GPR158: variants seen among roughly 807,000 people sequenced by gnomAD.
The protein encoded by GPR158 is metabotropic glycine receptor.
GPR158 carries 30 observed loss-of-function variants against 78.2 expected under a neutral mutation model. The observed-to-expected ratio is 0.38, with a 90% CI of 0.29 to 0.52. The LOEUF (loss-of-function observed/expected upper bound fraction) is 0.52, where lower values mean the gene tolerates loss of function less well. Ranked by LOEUF, GPR158 falls within the 20% of genes least tolerant of loss-of-function variation. GPR158 has a pLI of 0.83. For synonymous variants in GPR158, 581 were observed against 591.1 expected (o/e 0.98, Z 0.25); for missense variants, 1,463 against 1,523.5 (o/e 0.96, Z 0.66).
intron 1 of GPR158, among the ~76,000 whole-genome samples, chr10:25,184,911 G>C (rs1294749385): frequency 6.6e-6 from 1 of 152,134 alleles, no homozygotes; most frequent in Non-Finnish European, 1.5e-5. Flanking sequence ...TGATGCCTCA[G>C]ACCGCTATGC....
At chr10:25,513,450 A>G (rs949579704) in intron 5 of GPR158, among the ~76,000 whole-genome samples, 1 of 149,284 alleles carries the variant, frequency 6.7e-6, no homozygotes, top group Non-Finnish European at 1.5e-5. Flanking sequence ...CAGTCTGTCA[A>G]TTTTATTATC....
intron 7 of GPR158, among the ~76,000 whole-genome samples, chr10:25,580,923 A>ATTTTT (rs71677287): frequency 7.8e-5 from 8 of 102,960 alleles, no homozygotes; most frequent in African/African-American, 2.5e-4. Flanking sequence ...ATTTTATTTT[A>ATTTTT]TTTTATTTTT....
chr10:25,499,031 C>CA (rs1835920097), intron 5 of GPR158, among the ~76,000 whole-genome samples: 1 of 152,058 alleles, frequency 6.6e-6, no homozygotes, highest in Non-Finnish European at 1.5e-5. Flanking sequence ...ATTGAATTCT[C>CA]AGGAATCTGG....
intron 2 of GPR158, among the ~76,000 whole-genome samples, chr10:25,281,079 G>A (rs942012789): frequency 2.7e-5 from 4 of 149,472 alleles, no homozygotes; most frequent in African/African-American, 7.4e-5. Context: ...AGGTTGCAGT[G>A]AGCCAAGATT....
chr10:25,460,349 C>T (rs1588874425), intron 4 of GPR158, among the ~76,000 whole-genome samples: 1 of 152,062 alleles, frequency 6.6e-6, no homozygotes, highest in East Asian at 1.9e-4. Flanking sequence ...CTACAGGCAC[C>T]TGCTACTATG....
In GPR158 at chr10:25,490,217, T is replaced by C. The variant is rs557626250; in HGVS notation, c.1404+23498T>C. 2.0e-5 allele frequency among the ~76,000 whole-genome samples: 3 copies of C among 152,188 alleles called. 1 individual carries two copies. The South Asian group carries it at 6.2e-4, about 32-fold the overall frequency. On this transcript the variant is annotated intron_variant, in intron 5 of 10. Coordinates refer to ENST00000376351, the MANE Select transcript of GPR158 (RefSeq NM_020752.3). ...AAACTGGAACTCTTCCTTGTGTTTG[T>C]ATGCAGAGACACTTTGGAATGCAAA...
intron 1 of GPR158, among the ~76,000 whole-genome samples, chr10:25,181,864 C>T (rs1004775668): frequency 2.0e-5 from 3 of 151,892 alleles, no homozygotes; most frequent in South Asian, 2.1e-4. Context: ...ACTACAGGCC[C>T]GAGCCACCAT....
chr10:25,550,441 G>A (rs57957597), intron 5 of GPR158, among the ~76,000 whole-genome samples: 23,963 of 152,016 alleles, frequency 0.16, 4,193 homozygotes, highest in African/African-American at 0.43. Flanking sequence ...TGTTTCAGAC[G>A]GGGGAAAGGG....
intron 1 of GPR158, among the ~76,000 whole-genome samples, chr10:25,218,339 C>T (rs957020854): frequency 6.6e-6 from 1 of 152,164 alleles, no homozygotes; most frequent in Non-Finnish European, 1.5e-5. Context: ...TTTTAGTTTC[C>T]ATGTACGAAC....
chr10:25,243,283 C>T (rs534650067), intron 2 of GPR158, among the ~76,000 whole-genome samples: 1 of 152,266 alleles, frequency 6.6e-6, no homozygotes, highest in East Asian at 1.9e-4. Context: ...CAATTCAAGA[C>T]CTAACACCTC....
At chr10:25,528,977 G>C (rs192004138) in intron 5 of GPR158, among the ~76,000 whole-genome samples, 82 of 152,294 alleles carry the variant, frequency 5.4e-4, no homozygotes, top group African/African-American at 1.9e-3. Context: ...ACTGTCAATT[G>C]ACTTGTTATG....
At chr10:25,389,053 G>C (rs1834258576) in intron 2 of GPR158, among the ~76,000 whole-genome samples, 1 of 152,250 alleles carries the variant, frequency 6.6e-6, no homozygotes, top group Admixed American at 6.5e-5. Flanking sequence ...CTTGGCAGTG[G>C]CCTGCAGGCA....
intron 4 of GPR158, among the ~76,000 whole-genome samples, chr10:25,461,594 C>T (rs1835359172): frequency 6.6e-6 from 1 of 152,138 alleles, no homozygotes; most frequent in Admixed American, 6.6e-5. Context: ...AGTGAAGCAG[C>T]AAGTGCTGAT....
At chr10:25,295,022 G>C (rs1048493697) in intron 2 of GPR158, among the ~76,000 whole-genome samples, 2 of 151,502 alleles carry the variant, frequency 1.3e-5, no homozygotes, top group Non-Finnish European at 2.9e-5. Flanking sequence ...TTGACGCTTT[G>C]CCAGCGTTTC....
At chr10:25,379,054 A>T (rs1834121121) in intron 2 of GPR158, among the ~76,000 whole-genome samples, 1 of 152,106 alleles carries the variant, frequency 6.6e-6, no homozygotes, top group Non-Finnish European at 1.5e-5. Flanking sequence ...GACTATCAAA[A>T]TGCTGGGATT....
chr10:25,528,436 T>C (rs917274802), intron 5 of GPR158, among the ~76,000 whole-genome samples: 2 of 151,980 alleles, frequency 1.3e-5, no homozygotes, highest in African/African-American at 4.8e-5. Flanking sequence ...TGAAGAAATC[T>C]TCAGTGTTAG....
At chr10:25,486,412 A>G (rs1379311344) in intron 5 of GPR158, among the ~76,000 whole-genome samples, 6 of 152,190 alleles carry the variant, frequency 3.9e-5, no homozygotes, top group Middle Eastern at 3.4e-3. Context: ...TTAGACCTCT[A>G]TTTCTTCATC....
chr10:25,275,527 T>G (rs1041187259), intron 2 of GPR158, among the ~76,000 whole-genome samples: 2 of 152,178 alleles, frequency 1.3e-5, no homozygotes, highest in African/African-American at 4.8e-5. Context: ...TTCTTTCACA[T>G]GGTGCCAGGA....
At chr10:25,327,251 A>AACACACACAC (rs141069877) in intron 2 of GPR158, among the ~76,000 whole-genome samples, 73 of 149,168 alleles carry the variant, frequency 4.9e-4, no homozygotes, top group Middle Eastern at 3.5e-3. Context: ...GACACTTACA[A>AACACACACAC]ACACACACAC....
Sources: allele counts gnomAD v4.1 joint callset (sites outside exome capture counted in the v4.1 genomes callset), GRCh38; gene constraint gnomAD v4.1.1; transcripts MANE v1.5; gene names NCBI Gene and HGNC (gene_info 2026-07-23, HGNC 2026-07-21).